Variants in RAPGEF6 observed in about 807,000 individuals in gnomAD.
The protein encoded by RAPGEF6 is Rap guanine nucleotide exchange factor 6.
In RAPGEF6, 56 loss-of-function variants were observed where a neutral mutation model predicts 171.4. The observed-to-expected ratio is 0.33, with a 90% CI of 0.26 to 0.41. RAPGEF6 has a LOEUF of 0.41. Among genes scored for constraint, RAPGEF6 ranks in the 10% least tolerant of loss-of-function variants. The pLI is 1.00. For missense variants in RAPGEF6, 1,674 were observed against 1,921.4 expected, an observed-to-expected ratio of 0.87 and a Z score of 2.41; for synonymous variants, 692 against 650.1, an observed-to-expected ratio of 1.06 and a Z score of -0.98.
chr5:131,604,728 C>T (rs1407834708), intron 1 of RAPGEF6, 35 bp from the exon 2 acceptor site: 1 of 1,572,270 alleles, frequency 6.4e-7, no homozygotes. Flanking sequence ...GATTATTTTT[C>T]AAATATGCTG....
rs185871731 is a variant in RAPGEF6 at position 131,553,161 on chromosome 5, G to A, written c.352-4971C>T. On this transcript the variant is annotated intron_variant, in intron 5 of 27. Coordinates refer to ENST00000509018, the MANE Select transcript of RAPGEF6 (RefSeq NM_016340.6). Reference sequence around the variant, plus strand: ...AGAGATGAGAACATGAAGAGACCCTGCTGAAGCACAAGAGCACAGAGAAGG... The same window carrying A: ...AGAGATGAGAACATGAAGAGACCCTACTGAAGCACAAGAGCACAGAGAAGG... Among the ~76,000 whole-genome samples the A allele has an allele frequency of 1.2e-4, 19 of 152,264 alleles. 1 individual carries two copies. Among genetic ancestry groups the A allele is most frequent in the Admixed American group, 1.2e-3 (19 of 15,300 alleles).
intron 17 of RAPGEF6, among the ~76,000 whole-genome samples, chr5:131,466,329 A>G (rs1561486447): frequency 6.6e-6 from 1 of 151,660 alleles, no homozygotes; most frequent in Non-Finnish European, 1.5e-5. Flanking sequence ...TCTTGTTCAG[A>G]TTTCATTCTG....
chr5:131,582,456 C>T (rs1763021411), intron 4 of RAPGEF6, among the ~76,000 whole-genome samples: 1 of 152,074 alleles, frequency 6.6e-6, no homozygotes. Flanking sequence ...ATAGATCACA[C>T]ACCTAAATAG....
At chr5:131,550,012 A>G (rs1273649241) in intron 5 of RAPGEF6, among the ~76,000 whole-genome samples, 2 of 152,088 alleles carry the variant, frequency 1.3e-5, no homozygotes, top group African/African-American at 2.4e-5. Flanking sequence ...GGTGTGGGAG[A>G]CTACTGTATC....
chr5:131,527,346 C>A (rs1758944279), intron 6 of RAPGEF6, among the ~76,000 whole-genome samples: 1 of 151,954 alleles, frequency 6.6e-6, no homozygotes, highest in Non-Finnish European at 1.5e-5. Flanking sequence ...TGCAAGTAAT[C>A]AGGGAAATAA....
chr5:131,457,324 G>A (rs1228659572), intron 19 of RAPGEF6, among the ~76,000 whole-genome samples: 1 of 152,154 alleles, frequency 6.6e-6, no homozygotes, highest in Non-Finnish European at 1.5e-5. Flanking sequence ...GCCTGCCTTG[G>A]CTTCCCAAAG....
At chr5:131,484,932 G>A (rs1755774342) in intron 15 of RAPGEF6, among the ~76,000 whole-genome samples, 1 of 152,044 alleles carries the variant, frequency 6.6e-6, no homozygotes, top group Admixed American at 6.6e-5. Context: ...TGAAAAATGG[G>A]ATTTTTGGGT....
At chr5:131,596,241 T>G (rs1302460837) in intron 3 of RAPGEF6, among the ~76,000 whole-genome samples, 2 of 143,670 alleles carry the variant, frequency 1.4e-5, no homozygotes, top group Admixed American at 1.4e-4. Flanking sequence ...ATGCTTACTT[T>G]AAGTCAAAAA....
chr5:131,606,029 C>CAAAAAAAAAAAAAAA (rs1168486376), intron 1 of RAPGEF6, among the ~76,000 whole-genome samples: 10 of 70,550 alleles, frequency 1.4e-4, no homozygotes, highest in East Asian at 8.1e-4. Context: ...GACTCCATCT[C>CAAAAAAAAAAAAAAA]AAAAAAAAAA....
Position 131,453,561 on chromosome 5 carries a change from A to C in RAPGEF6, c.3077-384T>G, listed in dbSNP as rs982087469. 1.3e-4 allele frequency among the ~76,000 whole-genome samples: 20 copies of C among 152,168 alleles called. 1 individual carries two copies. The highest frequency in any genetic ancestry group is 5.9e-5 in the Non-Finnish European group (4 of 68,010). ...AGCCATGACTGTGCCACTACACTTC[A>C]GCCTGGGCAACAGAGTGAGATCTCA... On this transcript the variant is annotated intron_variant, in intron 20 of 27. Coordinates refer to ENST00000509018, the MANE Select transcript of RAPGEF6 (RefSeq NM_016340.6).
chr5:131,558,736 A>G (rs188100409), intron 5 of RAPGEF6, among the ~76,000 whole-genome samples: 1 of 151,816 alleles, frequency 6.6e-6, no homozygotes, highest in East Asian at 1.9e-4. Flanking sequence ...CCTGAATTTC[A>G]GAAGTTGTAT....
At chr5:131,611,030 C>A (rs1049666424) in intron 1 of RAPGEF6, among the ~76,000 whole-genome samples, 1 of 152,184 alleles carries the variant, frequency 6.6e-6, no homozygotes, top group Non-Finnish European at 1.5e-5. Flanking sequence ...CTAAGGAATG[C>A]CTGTTCTGGG....
intron 25 of RAPGEF6, among the ~76,000 whole-genome samples, chr5:131,433,050 C>T (rs1017770956): frequency 1.3e-5 from 2 of 151,996 alleles, no homozygotes; most frequent in Non-Finnish European, 2.9e-5. Flanking sequence ...GCTAGTCCTA[C>T]TCTCCCAACC....
At chr5:131,633,864 T>A (rs184454465) in intron 1 of RAPGEF6, among the ~76,000 whole-genome samples, 4 of 152,208 alleles carry the variant, frequency 2.6e-5, no homozygotes, top group Non-Finnish European at 5.9e-5. Flanking sequence ...TCAGCTCACA[T>A]TGACTTCAAG....
At chr5:131,438,329 C>T (rs532660542) in intron 24 of RAPGEF6, among the ~76,000 whole-genome samples, 10 of 152,152 alleles carry the variant, frequency 6.6e-5, no homozygotes, top group Non-Finnish European at 1.2e-4. Flanking sequence ...CAGTGGAGGA[C>T]AGAATCACGG....
chr5:131,457,535 CT>C (rs1200968975), intron 19 of RAPGEF6, among the ~76,000 whole-genome samples: 2 of 152,234 alleles, frequency 1.3e-5, no homozygotes, highest in African/African-American at 4.8e-5. Flanking sequence ...ACAAGGCTAA[CT>C]CCTGCTACCG....
At chr5:131,472,519 C>CA in intron 17 of RAPGEF6, 68 bp downstream of exon 17, 1 of 1,542,328 alleles carries the variant, frequency 6.5e-7, no homozygotes, top group Non-Finnish European at 8.9e-7. Flanking sequence ...ACTTGCTGCA[C>CA]AAGGCTTAAC....
chr5:131,489,579 G>A lies in RAPGEF6; in HGVS notation c.1807C>T (p.His603Tyr). Reference sequence around the variant, plus strand: ...TTGGTCTTCACAGTAAGTGCAAGATGAGTATTATTCCTCAAAATTTCAACG... The same window carrying A: ...TTGGTCTTCACAGTAAGTGCAAGATAAGTATTATTCCTCAAAATTTCAACG... ...KAVEILRNNT[H>Y]LALTVKTNIF... Residue 603 changes from histidine to tyrosine, a missense_variant, in exon 15 of 28, where the codon CAT becomes TAT. This residue lies in a region of RAPGEF6 where 1,116 missense variants were observed against 1,321.5 expected (regional missense o/e 0.84). Coordinates refer to ENST00000509018, the MANE Select transcript of RAPGEF6 (RefSeq NM_016340.6). 1.4e-5 allele frequency: 22 copies of A among 1,597,756 alleles called. No homozygotes were observed. Among genetic ancestry groups the A allele is most frequent in the Non-Finnish European group, 1.9e-5 (22 of 1,172,910 alleles).
intron 15 of RAPGEF6, among the ~76,000 whole-genome samples, chr5:131,486,767 T>C (rs969983655): frequency 6.7e-6 from 1 of 149,062 alleles, no homozygotes; most frequent in Non-Finnish European, 1.5e-5. Context: ...TCTCGCTCTG[T>C]CCCCCAGGCG....
Sources: gnomAD v4.1 joint callset for allele counts (sites outside exome capture counted in the v4.1 genomes callset) on GRCh38, gnomAD v4.1.1 for gene constraint, gnomAD v4.1.1 regional missense constraint, MANE v1.5 for transcripts, NCBI Gene and HGNC (gene_info 2026-07-23, HGNC 2026-07-21) for gene names.